Variants in DNAJA4 observed in about 807,000 individuals in gnomAD.
The protein encoded by DNAJA4 is DnaJ heat shock protein family (Hsp40) member A4.
Under a neutral mutation model 39.7 loss-of-function variants are expected in DNAJA4, and 32 were observed. The observed-to-expected ratio is 0.81, with a 90% CI of 0.61 to 1.08. The LOEUF is 1.08. Among genes scored for constraint, DNAJA4 ranks in the 50% least tolerant of loss-of-function variants. The probability of loss-of-function intolerance (pLI) is 0.00; values close to 1 mark genes in which losing one functional copy is unlikely to be tolerated. For synonymous variants in DNAJA4, 184 were observed against 182.4 expected (o/e 1.01, Z -0.07); for missense variants, 439 against 505.1 (o/e 0.87, Z 1.25).
chr15:78,265,138 C>G (rs538710870), intron 1 of DNAJA4, among the ~76,000 whole-genome samples: 1 of 152,332 alleles, frequency 6.6e-6, no homozygotes, highest in South Asian at 2.1e-4. Flanking sequence ...CGAGTCCCTG[C>G]CGAGCCCATT....
chr15:78,267,157 T>A (rs1567114986), intron 1 of DNAJA4, among the ~76,000 whole-genome samples: 25 of 149,362 alleles, frequency 1.7e-4, no homozygotes, highest in African/African-American at 6.0e-4. Context: ...TGTGTGAGTG[T>A]GTATGTGAGT....
chr15:78,274,049 C>T (rs1013019601), intron 3 of DNAJA4, 148 bp from the exon 4 acceptor site: 2 of 693,344 alleles, frequency 2.9e-6, no homozygotes, highest in Non-Finnish European at 4.8e-6. Context: ...CTCCTCCAGA[C>T]TCTTCTGCAT....
intron 3 of DNAJA4, among the ~76,000 whole-genome samples, chr15:78,273,895 C>G (rs924172090): frequency 2.0e-5 from 3 of 152,158 alleles, no homozygotes; most frequent in African/African-American, 7.2e-5. Context: ...CCTCCTCATT[C>G]ATCTGTGGGC....
chr15:78,268,426 T>A (rs1024101713), intron 1 of DNAJA4, among the ~76,000 whole-genome samples: 1 of 152,236 alleles, frequency 6.6e-6, no homozygotes, highest in African/African-American at 2.4e-5. Context: ...TTAAGACTTT[T>A]CTAAATTGTA....
At chr15:78,272,881 T>C (rs1168303408) in intron 2 of DNAJA4, among the ~76,000 whole-genome samples, 1 of 152,214 alleles carries the variant, frequency 6.6e-6, no homozygotes, top group African/African-American at 2.4e-5. Flanking sequence ...AATTAGCTCA[T>C]AGCTAGAGAG....
At chr15:78,267,906 G>A (rs1050659046) in intron 1 of DNAJA4, among the ~76,000 whole-genome samples, 2 of 152,076 alleles carry the variant, frequency 1.3e-5, no homozygotes, top group African/African-American at 4.8e-5. Flanking sequence ...AGGTTCTGTG[G>A]CAAATGATCA....
intron 5 of DNAJA4, among the ~76,000 whole-genome samples, chr15:78,277,344 C>T (rs1595928253): frequency 1.3e-5 from 2 of 152,226 alleles, no homozygotes; most frequent in Admixed American, 6.5e-5. Context: ...TTTGTAGAGA[C>T]GGGGTTTCGC....
At chr15:78,264,536 C>T (rs547451700), upstream of DNAJA4, 3 of 1,231,132 alleles carry the variant, frequency 2.4e-6, no homozygotes, top group Non-Finnish European at 3.0e-6. Context: ...CCGAATAAAA[C>T]CCGCCGCGGA....
Position 78,270,589 on chromosome 15 carries a change from A to C in DNAJA4, c.225A>C (p.Gly75=). 1.2e-6 allele frequency: 2 copies of C among 1,614,230 alleles called. No homozygotes were observed. The highest frequency in any genetic ancestry group is 1.1e-5 in the South Asian group (1 of 91,090). The change falls in exon 2 of 7, where the codon GGA becomes GGC. Residue 75 remains glycine (G), a synonymous_variant. Coordinates refer to ENST00000394852, the MANE Select transcript of DNAJA4 (RefSeq NM_001130182.2). ...DQGGEQAIKE[G]GSGSPSFSSP... ...GCGGAGAGCAGGCAATTAAAGAAGG[A>C]GGCTCAGGCAGCCCCAGCTTCTCTT...
At chr15:78,270,333 T>A in intron 1 of DNAJA4, 164 bp from the exon 2 acceptor site, 1 of 658,192 alleles carries the variant, frequency 1.5e-6, no homozygotes, top group Non-Finnish European at 2.5e-6. Context: ...ACCAAAGGAG[T>A]AGGTAGACAG....
At chr15:78,267,173 A>AGT (rs1198780239) in intron 1 of DNAJA4, among the ~76,000 whole-genome samples, 1 of 92,332 alleles carries the variant, frequency 1.1e-5, no homozygotes, top group Non-Finnish European at 2.3e-5. Flanking sequence ...TGAGTGTGTG[A>AGT]GTGTGTGAGT....
rs765549959 is a variant in DNAJA4, at chr15:78,275,523, A to G, written c.672A>G (p.Leu224=). ...EKGMKDGQKI[L]FHGEGDQEPE... ...GTATGAAAGATGGGCAAAAGATACT[A>G]TTTCATGGAGAAGGAGATCAGGAGC... Residue 224 remains leucine, a synonymous_variant, in exon 5 of 7, where the codon CTA becomes CTG. Transcript: ENST00000394852. 45 of 1,613,972 alleles carry G rather than the reference A, an allele frequency of 2.8e-5. No homozygotes were observed. Among genetic ancestry groups the G allele is most frequent in the Non-Finnish European group, 3.3e-5 (39 of 1,179,976 alleles).
At chr15:78,267,356 C>T (rs180944546) in intron 1 of DNAJA4, among the ~76,000 whole-genome samples, 10 of 152,080 alleles carry the variant, frequency 6.6e-5, no homozygotes, top group Non-Finnish European at 1.2e-4. Flanking sequence ...CTGAGAAGGC[C>T]GTTGAAATGT....
chr15:78,265,510 C>T (rs2049097091), intron 1 of DNAJA4: 1 of 702,262 alleles, frequency 1.4e-6, no homozygotes, highest in African/African-American at 1.7e-5. Context: ...CTGACATCAG[C>T]TTGTACTCAT....
At chr15:78,278,091 C>T in intron 5 of DNAJA4, 1 of 455,960 alleles carries the variant, frequency 2.2e-6, no homozygotes, top group Middle Eastern at 3.3e-4. Flanking sequence ...ATGAGCATTG[C>T]TGAGGATTGG....
chr15:78,269,430 G>C (rs986653306), intron 1 of DNAJA4, among the ~76,000 whole-genome samples: 5 of 152,320 alleles, frequency 3.3e-5, no homozygotes, highest in South Asian at 4.2e-4. Context: ...AAACATGAGT[G>C]ATACAATGAA....
Position 78,270,681 on chromosome 15 carries a change from A to G in DNAJA4, c.313+4A>G, listed in dbSNP as rs772441716. On this transcript the variant is annotated splice_donor_region_variant and intron_variant, in intron 2 of 6. Coordinates refer to ENST00000394852, the MANE Select transcript of DNAJA4 (RefSeq NM_001130182.2). ...CGGATGGCTAGAGAGAGAAGAGGTAAATGCTTTTAAAGAAACATAAATAAG... is the reference window on the plus strand; with the variant it reads ...CGGATGGCTAGAGAGAGAAGAGGTAGATGCTTTTAAAGAAACATAAATAAG... 20 of 1,610,662 alleles carry G rather than the reference A, an allele frequency of 1.2e-5. No homozygotes were observed. The South Asian group carries it at 2.2e-4, about 18-fold the overall frequency.
intron 1 of DNAJA4, among the ~76,000 whole-genome samples, chr15:78,267,187 T>TATGTGA (rs1464010107): frequency 2.6e-4 from 39 of 151,900 alleles, no homozygotes; most frequent in African/African-American, 9.2e-4. Flanking sequence ...TGTGAGTGTG[T>TATGTGA]GTGTGAGTGT....
chr15:78,268,727 T>C (rs892868819), intron 1 of DNAJA4, among the ~76,000 whole-genome samples: 1 of 152,188 alleles, frequency 6.6e-6, no homozygotes, highest in African/African-American at 2.4e-5. Flanking sequence ...ATCTAACAGG[T>C]ATTTACCAAG....
Sources: gnomAD v4.1 joint callset for allele counts (sites outside exome capture counted in the v4.1 genomes callset) on GRCh38, gnomAD v4.1.1 for gene constraint, MANE v1.5 for transcripts, NCBI Gene and HGNC (gene_info 2026-07-23, HGNC 2026-07-21) for gene names.